Variants in USP24 observed in about 807,000 individuals in gnomAD.
USP24 encodes ubiquitin carboxyl-terminal hydrolase 24.
In USP24, 97 loss-of-function variants were observed where a neutral mutation model predicts 361.6. The ratio of observed to expected loss-of-function variants is 0.27; its 90% confidence interval spans 0.23 to 0.32. The LOEUF (loss-of-function observed/expected upper bound fraction) is 0.32. Ranked by LOEUF, USP24 falls within the 10% of genes least tolerant of loss-of-function variation. The pLI is 1.00. For synonymous variants in USP24, 1,098 were observed against 1,124.6 expected (o/e 0.98, Z 0.47); for missense variants, 2,353 against 3,165.6 (o/e 0.74, Z 6.16).
intron 57 of USP24, 97 bp downstream of exon 57, chr1:55,083,675 A>G: frequency 1.1e-6 from 1 of 913,714 alleles, no homozygotes; most frequent in Non-Finnish European, 1.6e-6. Flanking sequence ...AACATCATAA[A>G]AAACATACCA....
chr1:55,107,545 T>TA, intron 39 of USP24, 115 bp from the exon 40 acceptor site: 9 of 1,242,496 alleles, frequency 7.2e-6, no homozygotes, highest in Non-Finnish European at 9.7e-6. Context: ...TACAGATCTT[T>TA]AAAAAACTAT....
chr1:55,114,588 A>G (rs1033682211), intron 38 of USP24, among the ~76,000 whole-genome samples: 4 of 152,210 alleles, frequency 2.6e-5, no homozygotes, highest in Non-Finnish European at 5.9e-5. Flanking sequence ...ATAATGCCAC[A>G]CATCTACTAC....
chr1:55,115,937 T>C (rs143266120), intron 38 of USP24, among the ~76,000 whole-genome samples: 4 of 152,278 alleles, frequency 2.6e-5, no homozygotes, highest in African/African-American at 9.6e-5. Context: ...AAGCACTGCA[T>C]GTTCTCACTC....
intron 1 of USP24, among the ~76,000 whole-genome samples, chr1:55,197,404 T>C (rs1460891941): frequency 6.6e-6 from 1 of 152,222 alleles, no homozygotes; most frequent in Non-Finnish European, 1.5e-5. Context: ...TGTTCCATTA[T>C]CTGTAACAGT....
At chr1:55,187,595 C>A (rs1018208181) in intron 1 of USP24, among the ~76,000 whole-genome samples, 3 of 152,162 alleles carry the variant, frequency 2.0e-5, no homozygotes, top group African/African-American at 7.2e-5. Context: ...AGCAAGGCTG[C>A]AGAATACAGT....
chr1:55,166,700 A>C (rs1044604770), intron 5 of USP24, 97 bp from the exon 6 acceptor site: 2 of 1,223,210 alleles, frequency 1.6e-6, no homozygotes, highest in African/African-American at 1.6e-5. Flanking sequence ...CAGAAGAAAA[A>C]TTATAAAAGT....
intron 56 of USP24, among the ~76,000 whole-genome samples, chr1:55,084,883 C>T (rs928845864): frequency 2.0e-5 from 3 of 152,146 alleles, no homozygotes; most frequent in Non-Finnish European, 4.4e-5. Flanking sequence ...TACGGCCTGA[C>T]CCCATCTCTA....
chr1:55,213,886 C>T (rs1262297297), intron 1 of USP24, among the ~76,000 whole-genome samples: 3 of 152,136 alleles, frequency 2.0e-5, no homozygotes, highest in Non-Finnish European at 4.4e-5. Context: ...TCCACCCCCA[C>T]TGCGCTCCCA....
intron 31 of USP24, among the ~76,000 whole-genome samples, chr1:55,129,924 C>T (rs1353562533): frequency 6.6e-6 from 1 of 152,128 alleles, no homozygotes; most frequent in African/African-American, 2.4e-5. Context: ...TTTTATAAAA[C>T]AGCCCATATA....
chr1:55,161,550 A>AT (rs1340630416), intron 8 of USP24, among the ~76,000 whole-genome samples: 4 of 152,166 alleles, frequency 2.6e-5, no homozygotes, highest in Non-Finnish European at 5.9e-5. Context: ...ATTTATGGTG[A>AT]TTTTTTAAAA....
Position 55,067,498 on chromosome 1 carries a change from T to C in USP24, c.*1547A>G, listed in dbSNP as rs538182395. 6.6e-6 allele frequency: 1 copy of C among 152,386 alleles called. No individual in the cohort carries two copies. The highest frequency in any genetic ancestry group is 6.5e-5 in the Admixed American group (1 of 15,280). 9.4% of individuals were successfully genotyped at this position (152,386 alleles called of 1,614,324 possible). ...TGCCAACCTCCAGCAAGTCACAGAA[T>C]AACAATGAAGTCTGACAGCACAGAA... On this transcript the variant is annotated 3_prime_UTR_variant, in exon 68 of 68. Coordinates refer to ENST00000294383, the MANE Select transcript of USP24 (RefSeq NM_015306.3).
At chr1:55,214,686 G>T in intron 1 of USP24, 104 bp downstream of exon 1, 1 of 984,080 alleles carries the variant, frequency 1.0e-6, no homozygotes, top group South Asian at 5.0e-5. Flanking sequence ...TAAAGCCCCA[G>T]TCGAATGCCC....
intron 1 of USP24, among the ~76,000 whole-genome samples, chr1:55,187,308 A>C (rs1262175785): frequency 6.6e-6 from 1 of 152,222 alleles, no homozygotes; most frequent in African/African-American, 2.4e-5. Context: ...ACTTGATTAA[A>C]GGCATCTACA....
chr1:55,187,189 A>T (rs923384893), intron 1 of USP24, among the ~76,000 whole-genome samples: 7 of 152,212 alleles, frequency 4.6e-5, no homozygotes, highest in Non-Finnish European at 8.8e-5. Context: ...AAATCACGAG[A>T]TCATCTCAAG....
chr1:55,192,919 T>C (rs1424113563), intron 1 of USP24, among the ~76,000 whole-genome samples: 2 of 152,204 alleles, frequency 1.3e-5, no homozygotes, highest in African/African-American at 2.4e-5. Flanking sequence ...CTGACTTTTG[T>C]ATGTGGTTCC....
chr1:55,086,361 G>T, intron 55 of USP24: 1 of 330,376 alleles, frequency 3.0e-6, no homozygotes, highest in Non-Finnish European at 5.7e-6. Flanking sequence ...TTCTCTTGAA[G>T]GGAATACCTA....
In USP24 at chr1:55,101,068, ATG is replaced by A. The variant is rs1645622323; in HGVS notation, c.5146-106_5146-105del. ...ACCCACATTGCTTTTTTAGAATGTT[ATG>A]TATGTTTGGACATGGCTATAATGCT... On this transcript the variant is annotated intron_variant, in intron 43 of 67. Coordinates refer to ENST00000294383, the MANE Select transcript of USP24 (RefSeq NM_015306.3). The A allele has an allele frequency of 3.0e-6, 4 of 1,352,274 alleles. No individual in the cohort carries two copies. The Admixed American group carries it at 7.2e-5, about 24-fold the overall frequency. The allele number at this position is 1,352,274 out of a possible 1,614,324, so 83.8% of individuals were successfully genotyped here.
At chr1:55,139,635 A>T (rs1646832969) in intron 24 of USP24, among the ~76,000 whole-genome samples, 1 of 152,190 alleles carries the variant, frequency 6.6e-6, no homozygotes, top group African/African-American at 2.4e-5. Context: ...AGAAATGAAA[A>T]TCCAAGTCCC....
chr1:55,083,851 G>C lies in USP24; in HGVS notation c.6803C>G (p.Ala2268Gly). Residue 2268 changes from alanine to glycine, a missense_variant, in exon 57 of 68, where the codon GCT becomes GGT. Physicochemically the swap from Ala to Gly is moderately conservative, Grantham distance 60. Transcript: ENST00000294383. ...TTCTGGGACGTCTTTGTCCAACAGA[G>C]CAAGTAGTACCTCCAGTAACTGATG... The part of the protein sequence containing the change: ...SLHQLLEVLL[A>G]LLDKDVPENC... The C allele has an allele frequency of 6.2e-7, 1 of 1,604,074 alleles. No individual in the cohort carries two copies. Among genetic ancestry groups the C allele is most frequent in the Non-Finnish European group, 8.5e-7 (1 of 1,174,902 alleles).
Sources: gnomAD v4.1 joint callset for allele counts (sites outside exome capture counted in the v4.1 genomes callset) on GRCh38, gnomAD v4.1.1 for gene constraint, MANE v1.5 for transcripts, NCBI Gene and HGNC (gene_info 2026-07-23, HGNC 2026-07-21) for gene names.